The following LYST variants were observed in gnomAD, a reference collection of about 807,000 sequenced individuals.
LYST encodes the protein lysosomal-trafficking regulator.
Under a neutral mutation model 413.6 loss-of-function variants are expected in LYST, and 192 were observed. The observed-to-expected ratio is 0.46, with a 90% CI of 0.41 to 0.52. The LOEUF (loss-of-function observed/expected upper bound fraction) is 0.52, where lower values mean the gene tolerates loss of function less well. LYST is among the 20% of genes least tolerant of loss of function. The pLI, the probability that LYST is intolerant of heterozygous loss-of-function variation, is 0.00. For synonymous variants in LYST, 1,525 were observed against 1,567.3 expected, an observed-to-expected ratio of 0.97 and a Z score of 0.64; for missense variants, 3,815 against 4,499.9, an observed-to-expected ratio of 0.85 and a Z score of 4.35.
At chr1:235,844,747 G>C (rs1454334146) in intron 1 of LYST, among the ~76,000 whole-genome samples, 1 of 151,412 alleles carries the variant, frequency 6.6e-6, no homozygotes, top group Non-Finnish European at 1.5e-5. Flanking sequence ...CAGGACACTG[G>C]TGGGGGGAAG....
intron 14 of LYST, 144 bp from the exon 15 acceptor site, chr1:235,782,231 C>T (rs908187087): frequency 7.3e-6 from 5 of 689,170 alleles, no homozygotes; most frequent in South Asian, 3.7e-5. Context: ...CAGGTTGGCA[C>T]GATCTCAGCT....
chr1:235,713,892 T>C (rs924929757), intron 42 of LYST, among the ~76,000 whole-genome samples: 1 of 152,340 alleles, frequency 6.6e-6, no homozygotes, highest in Non-Finnish European at 1.5e-5. Flanking sequence ...GAAGAAAACA[T>C]AATATATGAA....
intron 3 of LYST, among the ~76,000 whole-genome samples, chr1:235,816,453 T>TA (rs1674102378): frequency 1.8e-5 from 2 of 110,748 alleles, no homozygotes; most frequent in African/African-American, 9.9e-5. Flanking sequence ...AAAAAATAAA[T>TA]AAATAAAAAA....
chr1:235,797,185 C>T (rs765098921), intron 10 of LYST, among the ~76,000 whole-genome samples: 12 of 152,016 alleles, frequency 7.9e-5, no homozygotes, highest in Non-Finnish European at 1.5e-4. Context: ...CAGCATTATA[C>T]ATAGTAGCAA....
intron 1 of LYST, among the ~76,000 whole-genome samples, chr1:235,872,532 C>G (rs1680978166): frequency 6.6e-6 from 1 of 152,158 alleles, no homozygotes; most frequent in Admixed American, 6.5e-5. Context: ...ATTCCTTCTT[C>G]CCGGATACAG....
chr1:235,693,515 A>G, intron 46 of LYST, 29 bp from the exon 47 acceptor site: 2 of 1,613,590 alleles, frequency 1.2e-6, no homozygotes, highest in Non-Finnish European at 1.7e-6. Flanking sequence ...GAAAAGTATC[A>G]GATTGTCACT....
intron 46 of LYST, among the ~76,000 whole-genome samples, chr1:235,695,081 T>G (rs1166152561): frequency 6.6e-6 from 1 of 152,168 alleles, no homozygotes; most frequent in Non-Finnish European, 1.5e-5. Flanking sequence ...CCTTGCTGGG[T>G]CTAGTGTTGA....
chr1:235,746,187 A>G, intron 29 of LYST, 149 bp downstream of exon 29: 2 of 687,292 alleles, frequency 2.9e-6, no homozygotes, highest in African/African-American at 1.8e-5. Context: ...AAGACTTATC[A>G]GTTCCAAATA....
intron 37 of LYST, among the ~76,000 whole-genome samples, chr1:235,728,583 G>C (rs1285345741): frequency 6.6e-6 from 1 of 152,158 alleles, no homozygotes; most frequent in Admixed American, 6.5e-5. Flanking sequence ...ACACTCAATA[G>C]GGTAGAGTAG....
upstream of LYST, among the ~76,000 whole-genome samples, chr1:235,868,229 T>C (rs1680742097): frequency 6.6e-6 from 1 of 152,020 alleles, no homozygotes; most frequent in African/African-American, 2.4e-5. Context: ...TGGAGGGCAG[T>C]GGCCGGATAT....
chr1:235,789,555 T>C (rs1039246760), intron 12 of LYST, among the ~76,000 whole-genome samples: 1 of 152,164 alleles, frequency 6.6e-6, no homozygotes, highest in Non-Finnish European at 1.5e-5. Context: ...TTATGATATA[T>C]CAAAATCCAA....
intron 45 of LYST, among the ~76,000 whole-genome samples, chr1:235,700,532 A>C (rs1422141196): frequency 2.0e-5 from 3 of 152,226 alleles, no homozygotes; most frequent in Non-Finnish European, 4.4e-5. Flanking sequence ...AGTTCACACA[A>C]GCATACCTGG....
chr1:235,666,836 C>T lies in LYST; in HGVS notation c.11039-2215G>A, dbSNP rs191852371. Among the ~76,000 whole-genome samples the T allele has an allele frequency of 4.4e-3, 677 of 152,144 alleles. 8 individuals carry two copies. The highest frequency in any genetic ancestry group is 6.8e-3 in the Middle Eastern group (2 of 294). On this transcript the variant is annotated intron_variant, in intron 50 of 52. Coordinates refer to ENST00000389793, the MANE Select transcript of LYST (RefSeq NM_000081.4). Reference sequence around the variant, plus strand: ...AAAAGATAAAATAATTAGATAAGTACTAGTAAGGCTAGAAGGCTCATTGAA... The same window carrying T: ...AAAAGATAAAATAATTAGATAAGTATTAGTAAGGCTAGAAGGCTCATTGAA...
At chr1:235,787,116 A>C in intron 14 of LYST, 84 bp downstream of exon 14, 2 of 1,047,728 alleles carry the variant, frequency 1.9e-6, no homozygotes, top group Non-Finnish European at 3.0e-6. Context: ...AAGTTTCTGT[A>C]TTCTGTTTCA....
At chr1:235,817,454 C>T (rs1674284291) in intron 3 of LYST, among the ~76,000 whole-genome samples, 1 of 152,112 alleles carries the variant, frequency 6.6e-6, no homozygotes, top group South Asian at 2.1e-4. Context: ...TTCACAATAA[C>T]AAATCAACCT....
chr1:235,687,333 T>G (rs1358388628), intron 47 of LYST, among the ~76,000 whole-genome samples: 1 of 152,214 alleles, frequency 6.6e-6, no homozygotes, highest in African/African-American at 2.4e-5. Flanking sequence ...TGTATATATA[T>G]TTAGATAAAT....
rs1294045996 is a variant in LYST, at chr1:235,830,287, T to C, written c.131A>G (p.Gln44Arg). The C allele has an allele frequency of 1.2e-6, 2 of 1,614,130 alleles. No individual in the cohort carries two copies. The highest frequency in any genetic ancestry group is 1.7e-6 in the Non-Finnish European group (2 of 1,179,968). Residue 44 changes from glutamine to arginine, a missense_variant, in exon 3 of 53, where the codon CAG becomes CGG. Gln to Arg is a conservative substitution (Grantham distance 43). Transcript: ENST00000389793. Reference protein sequence around the residue: ...EEETHMATLGQYLVHGRGFLL... With the variant: ...EEETHMATLGRYLVHGRGFLL... ...AAATCCTCGACCATGGACAAGGTAC[T>C]GTCCAAGGGTTGCCATGTGCGTCTC...
At chr1:235,841,923 T>G (rs771729441) in intron 1 of LYST, among the ~76,000 whole-genome samples, 24 of 152,102 alleles carry the variant, frequency 1.6e-4, no homozygotes, top group African/African-American at 5.8e-4. Flanking sequence ...ATTGGAAGAA[T>G]AGTCAAATGG....
chr1:235,813,741 G>A (rs1673737034), intron 3 of LYST, among the ~76,000 whole-genome samples: 1 of 152,174 alleles, frequency 6.6e-6, no homozygotes. Context: ...ATTCAGTTTA[G>A]GAGTTCAGAA....
Sources: allele counts gnomAD v4.1 joint callset (sites outside exome capture counted in the v4.1 genomes callset), GRCh38; gene constraint gnomAD v4.1.1; transcripts MANE v1.5; gene names NCBI Gene and HGNC (gene_info 2026-07-23, HGNC 2026-07-21).